The following LUZP2 variants were observed in gnomAD, a reference collection of about 807,000 sequenced individuals.
LUZP2 encodes the protein leucine zipper protein 2.
LUZP2 carries 52 observed loss-of-function variants against 51.6 expected under a neutral mutation model. That is an observed-to-expected ratio of 1.01 (90% CI 0.81 to 1.27). The LOEUF is 1.27. LUZP2 is among the 50% of genes most tolerant of loss of function. LUZP2 has a pLI of 0.00. For synonymous variants in LUZP2, 154 were observed against 137.3 expected (o/e 1.12, Z -0.85); for missense variants, 436 against 395.4 (o/e 1.10, Z -0.87).
At chr11:24,912,631 A>G (rs1853670912) in intron 6 of LUZP2, among the ~76,000 whole-genome samples, 1 of 152,108 alleles carries the variant, frequency 6.6e-6, no homozygotes, top group South Asian at 2.1e-4. Context: ...CAACACAGTG[A>G]AACCCTGTCT....
chr11:24,764,516 A>AAAAAAAAAAG, intron 5 of LUZP2, among the ~76,000 whole-genome samples: 1 of 145,992 alleles, frequency 6.8e-6, no homozygotes, highest in South Asian at 2.2e-4. Context: ...AAAAAAAAAA[A>AAAAAAAAAAG]TTAGCTGGGA....
chr11:24,969,574 A>G (rs779803539), intron 7 of LUZP2, among the ~76,000 whole-genome samples: 2 of 152,190 alleles, frequency 1.3e-5, no homozygotes, highest in Non-Finnish European at 2.9e-5. Context: ...GCAAAGAGAA[A>G]TAATATACTG....
intron 6 of LUZP2, among the ~76,000 whole-genome samples, chr11:24,912,702 C>T (rs1279703112): frequency 6.6e-6 from 1 of 151,966 alleles, no homozygotes; most frequent in South Asian, 2.1e-4. Flanking sequence ...CCCAGCTACT[C>T]AGGAGGCTGA....
intron 7 of LUZP2, among the ~76,000 whole-genome samples, chr11:24,972,105 C>T (rs1332242177): frequency 7.0e-6 from 1 of 142,818 alleles, no homozygotes; most frequent in African/African-American, 2.7e-5. Context: ...CATGCTACTG[C>T]ACTCCAGCCT....
intron 1 of LUZP2, among the ~76,000 whole-genome samples, chr11:24,694,407 T>G (rs916321858): frequency 2.6e-5 from 4 of 152,252 alleles, no homozygotes; most frequent in South Asian, 2.1e-4. Flanking sequence ...AACACTGTAA[T>G]GTCAGTCTTT....
intron 5 of LUZP2, among the ~76,000 whole-genome samples, chr11:24,807,460 C>G (rs1428170655): frequency 1.3e-4 from 3 of 23,088 alleles, no homozygotes; most frequent in South Asian, 2.1e-3. Flanking sequence ...GACTCCATCT[C>G]AAAAGAAAAA....
Position 24,778,443 on chromosome 11 carries a change from T to C in LUZP2, c.396+15135T>C, listed in dbSNP as rs111789420. 8.9e-3 allele frequency among the ~76,000 whole-genome samples: 1,327 copies of C among 149,248 alleles called. 3 individuals carry two copies. The highest frequency in any genetic ancestry group is 0.013 in the African/African-American group (508 of 39,306). ...ATGAATAAACAAACAAACAAACAAA[T>C]AAAATTTATACAATTTGTAATAACC... On this transcript the variant is annotated intron_variant, in intron 5 of 11. Transcript: ENST00000336930.
At chr11:24,566,973 GTA>G (rs1181035237) in intron 1 of LUZP2, among the ~76,000 whole-genome samples, 19 of 81,362 alleles carry the variant, frequency 2.3e-4, no homozygotes, top group South Asian at 9.0e-4. Context: ...ATATAAATAT[GTA>G]TATATATAAT....
chr11:24,599,813 G>A (rs1428267238), intron 1 of LUZP2, among the ~76,000 whole-genome samples: 1 of 152,030 alleles, frequency 6.6e-6, no homozygotes, highest in African/African-American at 2.4e-5. Flanking sequence ...AATTTGAAAA[G>A]TACGTAAAAA....
chr11:24,875,386 A>G (rs1245609106), intron 5 of LUZP2, among the ~76,000 whole-genome samples: 2 of 148,270 alleles, frequency 1.3e-5, no homozygotes, highest in African/African-American at 5.0e-5. Flanking sequence ...GTTTACTGAG[A>G]ATGATGATTT....
chr11:24,785,794 C>T (rs888583883), intron 5 of LUZP2: 1 of 860,556 alleles, frequency 1.2e-6, no homozygotes, highest in Non-Finnish European at 1.4e-6. Context: ...CAGCATTTAG[C>T]CCACACTTCT....
intron 7 of LUZP2, among the ~76,000 whole-genome samples, chr11:24,966,419 T>G (rs1855583549): frequency 6.6e-6 from 1 of 150,652 alleles, no homozygotes; most frequent in East Asian, 1.9e-4. Flanking sequence ...AAAATTATAT[T>G]TACATTTTTC....
intron 1 of LUZP2, among the ~76,000 whole-genome samples, chr11:24,509,820 T>C (rs1022548974): frequency 1.3e-5 from 2 of 152,090 alleles, no homozygotes; most frequent in African/African-American, 4.8e-5. Flanking sequence ...GTTTCCTCTA[T>C]GTCTACCTTT....
At chr11:24,704,256 A>C (rs1284512357) in intron 1 of LUZP2, among the ~76,000 whole-genome samples, 1 of 152,192 alleles carries the variant, frequency 6.6e-6, no homozygotes, top group Non-Finnish European at 1.5e-5. Context: ...CACAGAGTTA[A>C]ACTTATATTT....
chr11:24,717,864 T>C (rs1311529973), intron 1 of LUZP2, among the ~76,000 whole-genome samples: 4 of 57,202 alleles, frequency 7.0e-5, no homozygotes, highest in Non-Finnish European at 1.3e-4. Flanking sequence ...GGTTTTCTGT[T>C]CCTGTGTTAG....
chr11:24,915,414 G>A (rs1853759482), intron 7 of LUZP2, among the ~76,000 whole-genome samples: 1 of 151,948 alleles, frequency 6.6e-6, no homozygotes, highest in African/African-American at 2.4e-5. Context: ...ATCAAACTAT[G>A]TACACAATCA....
intron 9 of LUZP2, among the ~76,000 whole-genome samples, chr11:25,044,722 G>A (rs1858236227): frequency 6.6e-6 from 1 of 151,134 alleles, no homozygotes; most frequent in South Asian, 2.1e-4. Context: ...ATATACCAAA[G>A]GATTATAAAA....
intron 5 of LUZP2, among the ~76,000 whole-genome samples, chr11:24,895,008 T>G (rs1345199020): frequency 6.6e-6 from 1 of 152,126 alleles, no homozygotes; most frequent in Non-Finnish European, 1.5e-5. Flanking sequence ...CCAATCTAAC[T>G]TGGTTACAGC....
At position 24,589,034 on chromosome 11, in the gene LUZP2, A is replaced by G. The variant is rs77490539; in HGVS notation, c.62+91729A>G. ...CCTGGACGTCAATTATCAGTTTGGT[A>G]ATTTATCCATCTCATTCTGCTCTTC... On this transcript the variant is annotated intron_variant, in intron 1 of 11. Transcript: ENST00000336930. Among the ~76,000 whole-genome samples, 40 of 152,162 alleles carry G rather than the reference A, an allele frequency of 2.6e-4. No individual in the cohort carries two copies. In the East Asian group the frequency reaches 6.6e-3, roughly 25 times the overall value.
Sources: allele counts gnomAD v4.1 joint callset (sites outside exome capture counted in the v4.1 genomes callset), GRCh38; gene constraint gnomAD v4.1.1; transcripts MANE v1.5; gene names NCBI Gene and HGNC (gene_info 2026-07-23, HGNC 2026-07-21).